The following SMC4 variants were observed in gnomAD, a reference collection of about 807,000 sequenced individuals.
The protein encoded by SMC4 is structural maintenance of chromosomes 4.
Under a neutral mutation model 145.6 loss-of-function variants are expected in SMC4, and 87 were observed. That is an observed-to-expected ratio of 0.60 (90% CI 0.50 to 0.71). SMC4 has a LOEUF of 0.71. Among genes scored for constraint, SMC4 ranks in the 30% least tolerant of loss-of-function variants. SMC4 has a pLI of 0.00. For missense variants in SMC4, 1,447 were observed against 1,537.1 expected, an observed-to-expected ratio of 0.94 and a Z score of 0.98; for synonymous variants, 558 against 500.7, an observed-to-expected ratio of 1.11 and a Z score of -1.53.
At position 160,428,862 on chromosome 3, in the gene SMC4, A is replaced by G; in HGVS notation, c.2715A>G (p.Lys905=). The part of the protein sequence containing the change: ...NNHKLKAQQD[K]LDKINKQLDE... ...ATAAACTCAAGGCCCAACAAGACAA[A>G]CTTGATAAAATAAATAAGCAATTAG... The change falls in exon 18 of 24, where the codon AAA becomes AAG. Residue 905 remains lysine (K), a synonymous_variant. Coordinates refer to ENST00000357388, the MANE Select transcript of SMC4 (RefSeq NM_001002800.3). 6.2e-7 allele frequency: 1 copy of G among 1,606,406 alleles called. No homozygotes were observed. The highest frequency in any genetic ancestry group is 1.1e-5 in the South Asian group (1 of 89,026).
Position 160,400,935 on chromosome 3 carries a change from G to A in SMC4, c.109G>A (p.Gly37Ser), listed in dbSNP as rs1336616904. 6.8e-7 allele frequency: 1 copy of A among 1,465,210 alleles called. No homozygotes were observed. The highest frequency in any genetic ancestry group is 2.9e-5 in the East Asian group (1 of 34,454). 90.8% of individuals were successfully genotyped at this position (1,465,210 alleles called of 1,614,324 possible). Residue 37 changes from glycine (G) to serine (S), a missense_variant, in exon 2 of 24, where the codon GGC becomes AGC. Transcript: ENST00000357388. Reference sequence around the variant, plus strand: ...CGACGCGGAGCCTGAGCCGCCGTCCGGCCGCACGGAGAGCCCAGCCACCGC... The same window carrying A: ...CGACGCGGAGCCTGAGCCGCCGTCCAGCCGCACGGAGAGCCCAGCCACCGC... ...SSDAEPEPPS[G>S]RTESPATAAE...
At position 160,434,760 on chromosome 3, in the gene SMC4, T is replaced by G. The variant is rs1409658080; in HGVS notation, c.*951T>G. 1 of 152,224 alleles carries G rather than the reference T, an allele frequency of 6.6e-6. No individual in the cohort carries two copies. Among genetic ancestry groups the G allele is most frequent in the African/African-American group, 2.4e-5 (1 of 41,454 alleles). 9.4% of individuals were successfully genotyped at this position (152,224 alleles called of 1,614,324 possible). A position where few individuals can be genotyped will look rare whatever the true frequency, so the allele number is the denominator to read the frequency against. On this transcript the variant is annotated 3_prime_UTR_variant, in exon 24 of 24. Coordinates refer to ENST00000357388, the MANE Select transcript of SMC4 (RefSeq NM_001002800.3). ...TTTTGGAAGGACTTTCGGTATTGTA[T>G]TAGAAGTCTGCCCTAGCTGTTAAAT...
intron 21 of SMC4, 129 bp downstream of exon 21, chr3:160,431,954 C>A: frequency 1.0e-6 from 1 of 978,382 alleles, no homozygotes; most frequent in Non-Finnish European, 1.5e-6. Context: ...GTAATCCCAG[C>A]ACTTTGGGAG....
At chr3:160,416,129 ACT>A in intron 9 of SMC4, 120 bp from the exon 10 acceptor site, 4 of 554,844 alleles carry the variant, frequency 7.2e-6, no homozygotes, top group Non-Finnish European at 1.2e-5. Flanking sequence ...AGCTAATTTA[ACT>A]CTGATTATAA....
chr3:160,423,641 G>C lies in SMC4; in HGVS notation c.2236G>C (p.Glu746Gln), dbSNP rs746262025. ...RVVTLQGQIIEQSGTMTGGGS... is the reference protein window; with the variant it reads ...RVVTLQGQIIQQSGTMTGGGS... ...GGTAACTTTACAGGGACAAATCATA[G>C]AACAGTCAGGTAATAGTGTTTTTGT... is the stretch of plus-strand genomic sequence containing the variant. The change falls in exon 14 of 24, where the codon GAA becomes CAA. Residue 746 changes from glutamate (E) to glutamine (Q), a missense_variant. Glu to Gln is a conservative substitution (Grantham distance 29). Transcript: ENST00000357388. 1.2e-6 allele frequency: 2 copies of C among 1,610,304 alleles called. No individual in the cohort carries two copies. Among genetic ancestry groups the C allele is most frequent in the South Asian group, 1.1e-5 (1 of 90,642 alleles).
chr3:160,416,517 G>T, intron 10 of SMC4, 102 bp downstream of exon 10: 1 of 661,248 alleles, frequency 1.5e-6, no homozygotes. Context: ...GGTAAGTTTG[G>T]ACTTTTAATG....
intron 4 of SMC4, 31 bp downstream of exon 4, chr3:160,402,898 C>T (rs41272949): frequency 2.0e-4 from 299 of 1,469,414 alleles, no homozygotes; most frequent in Non-Finnish European, 2.1e-4. Flanking sequence ...TTGGCAAGTT[C>T]AAGTAAGGAA....
chr3:160,429,090 C>T (rs1043014823), intron 18 of SMC4, 148 bp downstream of exon 18: 11 of 646,924 alleles, frequency 1.7e-5, no homozygotes, highest in Middle Eastern at 2.7e-4. Flanking sequence ...ACTTCCATGA[C>T]GGAAAACCTA....
At position 160,420,912 on chromosome 3, in the gene SMC4, G is replaced by T; in HGVS notation, c.2019+11G>T. ...ATAGGTTTAGATAAGGTGGGTATTC[G>T]TAATAACCTACCTATAATTGGAATT... On this transcript the variant is annotated intron_variant, in intron 13 of 23. Transcript: ENST00000357388. 1 of 1,584,316 alleles carries T rather than the reference G, an allele frequency of 6.3e-7. No homozygotes were observed. Among genetic ancestry groups the T allele is most frequent in the Non-Finnish European group, 8.6e-7 (1 of 1,166,592 alleles).
chr3:160,418,498 TA>T (rs559406220), intron 11 of SMC4, among the ~76,000 whole-genome samples: 10 of 149,258 alleles, frequency 6.7e-5, no homozygotes, highest in South Asian at 2.1e-4. Context: ...AAGGTGGCAA[TA>T]AAAAAAAAAT....
Position 160,401,938 on chromosome 3 carries a change from A to C in SMC4, c.163A>C (p.Asn55His), listed in dbSNP as rs146550714. The change falls in exon 3 of 24, where the codon AAT becomes CAT. Residue 55 changes from asparagine to histidine, a missense_variant. By Grantham distance (68) the Asn-to-His change is moderately conservative. Coordinates refer to ENST00000357388, the MANE Select transcript of SMC4 (RefSeq NM_001002800.3). Reference sequence around the variant, plus strand: ...AGAGACTGCAAGTGAGGAACTTGATAATAGAAGTTTAGAAGAGATTTTGAA... The same window carrying C: ...AGAGACTGCAAGTGAGGAACTTGATCATAGAAGTTTAGAAGAGATTTTGAA... The part of the protein sequence containing the change: ...AAETASEELD[N>H]RSLEEILNSI... 6.2e-7 allele frequency: 1 copy of C among 1,603,434 alleles called. No homozygotes were observed. Among genetic ancestry groups the C allele is most frequent in the Non-Finnish European group, 8.5e-7 (1 of 1,175,892 alleles).
rs367915661 is a variant in SMC4 at position 160,403,588 on chromosome 3, T to G, written c.510+721T>G. Among the ~76,000 whole-genome samples, 6 of 152,152 alleles carry G rather than the reference T, an allele frequency of 3.9e-5. 1 individual carries two copies. Among genetic ancestry groups the G allele is most frequent in the African/African-American group, 1.4e-4 (6 of 41,466 alleles). The stretch of plus-strand genomic sequence containing the variant: ...TTTTTTTAATACAAAGTGCTTTAAT[T>G]ACACAGAATCATCTATTTTAATTTG... On this transcript the variant is annotated intron_variant, in intron 4 of 23. Transcript: ENST00000357388.
chr3:160,430,754 C>T lies in SMC4; in HGVS notation c.2940+11C>T, dbSNP rs1313755724. Reference sequence around the variant, plus strand: ...ACAAATGCTGCAGAGGTATGAGTTGCTTTGTATTGAAGAGGAGATGGGATG... The same window carrying T: ...ACAAATGCTGCAGAGGTATGAGTTGTTTTGTATTGAAGAGGAGATGGGATG... On this transcript the variant is annotated intron_variant, in intron 19 of 23. Coordinates refer to ENST00000357388, the MANE Select transcript of SMC4 (RefSeq NM_001002800.3). 6.2e-7 allele frequency: 1 copy of T among 1,604,480 alleles called. No individual in the cohort carries two copies. The highest frequency in any genetic ancestry group is 8.5e-7 in the Non-Finnish European group (1 of 1,176,810).
At chr3:160,424,086 A>G (rs1174639112) in intron 15 of SMC4, among the ~76,000 whole-genome samples, 2 of 152,180 alleles carry the variant, frequency 1.3e-5, no homozygotes, top group African/African-American at 2.4e-5. Context: ...TCATACAGAT[A>G]TTCCATAACT....
At chr3:160,414,800 G>A (rs887084923) in intron 9 of SMC4, among the ~76,000 whole-genome samples, 4 of 152,002 alleles carry the variant, frequency 2.6e-5, no homozygotes, top group African/African-American at 9.7e-5. Flanking sequence ...TGAACTCCTG[G>A]GCTTAAGAAA....
At chr3:160,412,652 G>GAACTCA in intron 7 of SMC4, 199 bp downstream of exon 7, 10 of 1,091,174 alleles carry the variant, frequency 9.2e-6, no homozygotes, top group South Asian at 4.4e-5. Context: ...ACTTGAGGCT[G>GAACTCA]GGAGTTCAAG....
intron 5 of SMC4, among the ~76,000 whole-genome samples, chr3:160,411,192 GT>G (rs1439857904): frequency 1.3e-5 from 2 of 152,066 alleles, no homozygotes; most frequent in African/African-American, 4.8e-5. Context: ...ACAGTTCAAA[GT>G]TGTTATATTA....
At chr3:160,425,611 T>A (rs1196322764) in intron 16 of SMC4, among the ~76,000 whole-genome samples, 1 of 152,042 alleles carries the variant, frequency 6.6e-6, no homozygotes, top group Non-Finnish European at 1.5e-5. Context: ...ATTTGACAAA[T>A]TTTTTTTGTA....
intron 15 of SMC4, among the ~76,000 whole-genome samples, chr3:160,424,290 A>C (rs776510465): frequency 6.6e-6 from 1 of 152,162 alleles, no homozygotes; most frequent in African/African-American, 2.4e-5. Context: ...ACCTTTTCCC[A>C]AAGTGTTGTG....
Sources: gnomAD v4.1 joint callset for allele counts (sites outside exome capture counted in the v4.1 genomes callset) on GRCh38, gnomAD v4.1.1 for gene constraint, MANE v1.5 for transcripts, NCBI Gene and HGNC (gene_info 2026-07-23, HGNC 2026-07-21) for gene names.